The following CAMK1 variants were observed in gnomAD, a reference collection of about 807,000 sequenced individuals.
The protein encoded by CAMK1 is calcium/calmodulin dependent protein kinase I.
Under a neutral mutation model 49.1 loss-of-function variants are expected in CAMK1, and 39 were observed. The observed-to-expected ratio is 0.79, with a 90% CI of 0.62 to 1.04. The LOEUF (loss-of-function observed/expected upper bound fraction) is 1.04, where lower values mean the gene tolerates loss of function less well. CAMK1 is among the 50% of genes least tolerant of loss of function. CAMK1 has a pLI of 0.00. For missense variants in CAMK1, 457 were observed against 472.2 expected, an observed-to-expected ratio of 0.97 and a Z score of 0.30; for synonymous variants, 192 against 185.2, an observed-to-expected ratio of 1.04 and a Z score of -0.30.
intron 1 of CAMK1, among the ~76,000 whole-genome samples, chr3:9,769,521 AAGAC>A: frequency 6.6e-6 from 1 of 152,166 alleles, no homozygotes; most frequent in African/African-American, 2.4e-5. Context: ...CGCCTGTCCT[AAGAC>A]AGTACACTCC....
chr3:9,768,255 C>T (rs1309028172), intron 1 of CAMK1, among the ~76,000 whole-genome samples: 1 of 152,198 alleles, frequency 6.6e-6, no homozygotes, highest in African/African-American at 2.4e-5. Context: ...AGGTTTCCAG[C>T]AGCCTGGGCT....
chr3:9,759,549 T>C lies in CAMK1; in HGVS notation c.851A>G (p.Lys284Arg), dbSNP rs773723897. 4.3e-6 allele frequency: 7 copies of C among 1,614,144 alleles called. No homozygotes were observed. Among genetic ancestry groups the C allele is most frequent in the Non-Finnish European group, 5.9e-6 (7 of 1,180,014 alleles). Residue 284 changes from lysine to arginine, a missense_variant, in exon 10 of 12, where the codon AAG becomes AGG. Transcript: ENST00000256460. ...CTCACTCACCGACTGGTGGATATTCTTATCTAGAGCTGTATCTCCTGCAAT... is the reference window on the plus strand; with the variant it reads ...CTCACTCACCGACTGGTGGATATTCCTATCTAGAGCTGTATCTCCTGCAAT... ...PWIAGDTALD[K>R]NIHQSVSEQI...
chr3:9,757,742 T>C lies in CAMK1; in HGVS notation c.1017A>G (p.Thr339=). Reference sequence around the variant, plus strand: ...CCCGCTCCTCACCCCCAGCCACTGGTGTCAGCAGCTCCCCATGGCTCGCCG... The same window carrying C: ...CCCGCTCCTCACCCCCAGCCACTGGCGTCAGCAGCTCCCCATGGCTCGCCG... ...GQTASHGELL[T]PVAGGPAAGC... Residue 339 remains threonine, a synonymous_variant, in exon 11 of 12, where the codon ACA becomes ACG. Transcript: ENST00000256460. The surrounding 1 kb of genome is among the most constrained non-coding windows in gnomAD (Gnocchi z 4.5). 6.2e-7 allele frequency: 1 copy of C among 1,614,128 alleles called. No homozygotes were observed. The highest frequency in any genetic ancestry group is 8.5e-7 in the Non-Finnish European group (1 of 1,180,018).
Position 9,761,431 on chromosome 3 carries a change from C to A in CAMK1, c.632+30G>T, listed in dbSNP as rs778738086. The A allele has an allele frequency of 2.2e-5, 35 of 1,590,190 alleles. No individual in the cohort carries two copies. The Admixed American group carries it at 6.0e-4, about 27-fold the overall frequency. ...GTAGGCGAGAGGACAACTCTGGAGC[C>A]ACAGCCTACCATGGCCAAGCCCCAC... is the stretch of plus-strand genomic sequence containing the variant. On this transcript the variant is annotated intron_variant, in intron 7 of 11. Coordinates refer to ENST00000256460, the MANE Select transcript of CAMK1 (RefSeq NM_003656.5).
Position 9,757,557 on chromosome 3 carries a change from T to C in CAMK1, c.1095A>G (p.Thr365=), listed in dbSNP as rs770474444. The change falls in exon 12 of 12, where the codon ACA becomes ACG. Residue 365 remains threonine (T), a synonymous_variant. Transcript: ENST00000256460. The surrounding 1 kb of genome is among the most constrained non-coding windows in gnomAD (Gnocchi z 4.5). ...CAGGGCCCTAGAGCTGGTGGGGCAG[T>C]GTGGGGGACAGTTCTGTGCCCGGCT... ...CVEPGTELSP[T]LPHQL is the part of the protein sequence containing the mutation. 7 of 1,613,776 alleles carry C rather than the reference T, an allele frequency of 4.3e-6. No homozygotes were observed. The highest frequency in any genetic ancestry group is 3.3e-5 in the Admixed American group (2 of 59,984).
chr3:9,759,283 G>A (rs779020582), intron 10 of CAMK1: 3 of 1,610,134 alleles, frequency 1.9e-6, no homozygotes, highest in South Asian at 1.1e-5. Flanking sequence ...CTCTAGACTT[G>A]GAGGTGAGGG....
chr3:9,764,638 T>G (rs1230467320), intron 3 of CAMK1, among the ~76,000 whole-genome samples: 1 of 147,932 alleles, frequency 6.8e-6, no homozygotes, highest in African/African-American at 2.5e-5. Flanking sequence ...GTTTTTTTTT[T>G]TTTTTTTGAG....
rs906163122 is a variant in CAMK1, at chr3:9,765,890, C to T, written c.84G>A (p.Thr28=). 1.9e-6 allele frequency: 3 copies of T among 1,614,050 alleles called. No homozygotes were observed. The highest frequency in any genetic ancestry group is 1.3e-5 in the African/African-American group (1 of 74,926). Residue 28 remains threonine (T), a splice_region_variant and synonymous_variant, in exon 3 of 12, where the codon ACG becomes ACA. Transcript: ENST00000256460. ...DIYDFRDVLG[T]GAFSEVILAE... ...CCAGGATCACCTCCGAGAAGGCCCC[C>T]CTATCGGGAGAGGGGATTCACAAGG...
intron 9 of CAMK1, 27 bp from the exon 10 acceptor site, chr3:9,759,602 C>T (rs2077749460): frequency 1.2e-6 from 2 of 1,614,124 alleles, no homozygotes; most frequent in Middle Eastern, 1.6e-4. Context: ...TGGTGGGTTG[C>T]CTATGAGGGC....
rs773323612 is a variant in CAMK1, at chr3:9,757,737, A to G, written c.1022T>C (p.Val341Ala). Reference protein sequence around the residue: ...TASHGELLTPVAGGPAAGCCC... With the variant: ...TASHGELLTPAAGGPAAGCCC... The stretch of plus-strand genomic sequence containing the variant: ...CAGAGCCCGCTCCTCACCCCCAGCC[A>G]CTGGTGTCAGCAGCTCCCCATGGCT... Residue 341 changes from valine (V) to alanine (A), a missense_variant, in exon 11 of 12, where the codon GTG becomes GCG. Physicochemically the swap from Val to Ala is moderately conservative, Grantham distance 64. Coordinates refer to ENST00000256460, the MANE Select transcript of CAMK1 (RefSeq NM_003656.5). This position sits in a 1 kb window ranked among gnomAD's most constrained non-coding sequence, Gnocchi z 4.5. 41 of 1,613,944 alleles carry G rather than the reference A, an allele frequency of 2.5e-5. No individual in the cohort carries two copies. The highest frequency in any genetic ancestry group is 3.3e-5 in the Non-Finnish European group (39 of 1,179,980).
chr3:9,765,224 C>CT (rs2078098283), intron 3 of CAMK1, among the ~76,000 whole-genome samples: 1 of 147,158 alleles, frequency 6.8e-6, no homozygotes, highest in Non-Finnish European at 1.5e-5. Context: ...GAGACTCCAT[C>CT]TCAAAAAAAA....
chr3:9,764,617 G>GTTTTTTTTTTTTTTTTTTTTTTT (rs202012854), intron 3 of CAMK1, among the ~76,000 whole-genome samples: 1 of 93,432 alleles, frequency 1.1e-5, no homozygotes, highest in Non-Finnish European at 2.2e-5. Context: ...TGGCGTTTTT[G>GTTTTTTTTTTTTTTTTTTTTTTT]TTTTTTTTTT....
chr3:9,759,699 G>A lies in CAMK1; in HGVS notation c.797C>T (p.Thr266Ile). The A allele has an allele frequency of 6.2e-7, 1 of 1,614,198 alleles. No individual in the cohort carries two copies. Among genetic ancestry groups the A allele is most frequent in the Non-Finnish European group, 8.5e-7 (1 of 1,180,042 alleles). Residue 266 changes from threonine to isoleucine, a missense_variant, in exon 9 of 12, where the codon ACC becomes ATC. Transcript: ENST00000256460. ...LMEKDPEKRF[T>I]CEQALQHPWI... ...TGGGTGCTGCAAGGCCTGCTCACAG[G>A]TGAATCTTTTCTCTGGGTCCTTCTC...
At position 9,763,011 on chromosome 3, in the gene CAMK1, C is replaced by A. The variant is rs1284090262; in HGVS notation, c.332G>T (p.Gly111Val). 5 of 1,614,144 alleles carry A rather than the reference C, an allele frequency of 3.1e-6. No individual in the cohort carries two copies. Among genetic ancestry groups the A allele is most frequent in the Non-Finnish European group, 4.2e-6 (5 of 1,180,026 alleles). The change falls in exon 5 of 12, where the codon GGC becomes GTC. Residue 111 changes from glycine (G) to valine (V), a missense_variant. Coordinates refer to ENST00000256460, the MANE Select transcript of CAMK1 (RefSeq NM_003656.5). ...GELFDRIVEK[G>V]FYTERDASRL... ...GCTGGCGTCCCGCTCCGTGTAGAAG[C>A]CTTTTTCCACAATACGGTCAAAGAG...
intron 8 of CAMK1, 171 bp downstream of exon 8, chr3:9,760,484 AG>A: frequency 1.7e-6 from 1 of 602,664 alleles, no homozygotes; most frequent in Non-Finnish European, 3.0e-6. Flanking sequence ...GCCAAGCAGA[AG>A]GAAGTACCCA....
At position 9,757,706 on chromosome 3, in the gene CAMK1, C is replaced by T. The variant is rs756669842; in HGVS notation, c.1030+23G>A. On this transcript the variant is annotated intron_variant, in intron 11 of 11. Coordinates refer to ENST00000256460, the MANE Select transcript of CAMK1 (RefSeq NM_003656.5). This position sits in a 1 kb window ranked among gnomAD's most constrained non-coding sequence, Gnocchi z 4.5. ...TGCACCTTTGTGGACCACCCATGCC[C>T]TTCTGCAGAGCCCGCTCCTCACCCC... 1.2e-6 allele frequency: 2 copies of T among 1,614,104 alleles called. No homozygotes were observed. The highest frequency in any genetic ancestry group is 1.7e-6 in the Non-Finnish European group (2 of 1,180,002).
chr3:9,759,394 C>T (rs2077739288), intron 10 of CAMK1, 94 bp downstream of exon 10: 1 of 1,575,306 alleles, frequency 6.3e-7, no homozygotes, highest in Non-Finnish European at 8.7e-7. Flanking sequence ...ACTGTGTGCC[C>T]AGTGTGATGC....
chr3:9,763,930 G>A (rs1559701189), intron 3 of CAMK1, among the ~76,000 whole-genome samples: 1 of 152,174 alleles, frequency 6.6e-6, no homozygotes, highest in Non-Finnish European at 1.5e-5. Flanking sequence ...AGGTTGCAGT[G>A]AGTCGAGATC....
rs1158181348 is a variant in CAMK1 at position 9,760,727 on chromosome 3, T to C, written c.674A>G (p.Lys225Arg). Residue 225 changes from lysine (K) to arginine (R), a missense_variant, in exon 8 of 12, where the codon AAA (lysine) becomes AGA (arginine). Transcript: ENST00000256460. ...GGCCTTCAAAATCTGTTCAAAGAGT[T>C]TGGCATCATTCTCGTCATAGAAGGG... ...YPPFYDENDA[K>R]LFEQILKAEY... The C allele has an allele frequency of 5.6e-6, 9 of 1,614,022 alleles. No homozygotes were observed. Among genetic ancestry groups the C allele is most frequent in the Non-Finnish European group, 7.6e-6 (9 of 1,179,952 alleles).
Sources: gnomAD v4.1 joint callset for allele counts (sites outside exome capture counted in the v4.1 genomes callset) on GRCh38, gnomAD v4.1.1 for gene constraint, Gnocchi (gnomAD v3.1) non-coding constraint, MANE v1.5 for transcripts, NCBI Gene and HGNC (gene_info 2026-07-23, HGNC 2026-07-21) for gene names.